The following GNAI1 variants were observed in gnomAD, a reference collection of about 807,000 sequenced individuals.
GNAI1 encodes the protein guanine nucleotide-binding protein G(i) subunit alpha-1.
GNAI1 carries 11 observed loss-of-function variants against 38.9 expected under a neutral mutation model. The observed-to-expected ratio is 0.28, with a 90% CI of 0.18 to 0.47. The LOEUF (loss-of-function observed/expected upper bound fraction) is 0.47. Among genes scored for constraint, GNAI1 ranks in the 20% least tolerant of loss-of-function variants. The pLI, the probability that GNAI1 is intolerant of heterozygous loss-of-function variation, is 0.99. For missense variants in GNAI1, 317 were observed against 436.9 expected (o/e 0.73, Z 2.45); for synonymous variants, 166 against 145.1 (o/e 1.14, Z -1.04).
At chr7:80,194,664 T>C (rs1388655118) in intron 3 of GNAI1, among the ~76,000 whole-genome samples, 1 of 152,146 alleles carries the variant, frequency 6.6e-6, no homozygotes, top group African/African-American at 2.4e-5. Flanking sequence ...ATTATTTTAT[T>C]TCTCTTCAGG....
At chr7:80,207,754 A>G (rs1479894083) in intron 5 of GNAI1, among the ~76,000 whole-genome samples, 1 of 152,088 alleles carries the variant, frequency 6.6e-6, no homozygotes, top group Non-Finnish European at 1.5e-5. Context: ...ACTGCTGAGT[A>G]AAATTCAGTT....
At chr7:80,140,054 G>A (rs1294952040) in intron 1 of GNAI1, among the ~76,000 whole-genome samples, 5 of 146,952 alleles carry the variant, frequency 3.4e-5, no homozygotes, top group Admixed American at 7.0e-5. Context: ...CGCAGTCTCC[G>A]CTCACTGCAA....
chr7:80,216,980 T>C (rs1270050287), intron 7 of GNAI1, among the ~76,000 whole-genome samples: 1 of 151,882 alleles, frequency 6.6e-6, no homozygotes, highest in East Asian at 1.9e-4. Context: ...TGAGCTGGGG[T>C]GTAGAGGACA....
intron 1 of GNAI1, among the ~76,000 whole-genome samples, chr7:80,170,509 G>T (rs914651471): frequency 6.6e-6 from 1 of 152,166 alleles, no homozygotes; most frequent in Non-Finnish European, 1.5e-5. Flanking sequence ...CCTGAGACTG[G>T]GTAGTTTATA....
rs6973616 is a variant in GNAI1, at chr7:80,221,019, C to T, written c.*3526C>T. Among the ~76,000 whole-genome samples the T allele has an allele frequency of 0.39, 58,749 of 151,968 alleles. 12,256 individuals are homozygous for T. The highest frequency in any genetic ancestry group is 0.54 in the African/African-American group (22,401 of 41,418). ...CAGTTACCATTTTTTACATCATTTG[C>T]CGTTTGCAGAACCACCTTATGTAAA... On this transcript the variant is annotated 3_prime_UTR_variant, in exon 8 of 8. Transcript: ENST00000649796.
intron 1 of GNAI1, among the ~76,000 whole-genome samples, chr7:80,136,589 TTCTC>T: frequency 6.6e-6 from 1 of 152,246 alleles, no homozygotes; most frequent in East Asian, 1.9e-4. Context: ...ACATAAATCT[TTCTC>T]AGTTAATGTT....
At chr7:80,203,466 A>G (rs1788723417) in intron 4 of GNAI1, among the ~76,000 whole-genome samples, 1 of 152,146 alleles carries the variant, frequency 6.6e-6, no homozygotes. Flanking sequence ...AATAAAGTAC[A>G]CATTTAAAAA....
At chr7:80,137,424 G>T (rs936830853) in intron 1 of GNAI1, among the ~76,000 whole-genome samples, 1 of 141,972 alleles carries the variant, frequency 7.0e-6, no homozygotes, top group African/African-American at 2.6e-5. Context: ...GGGTTCAAGC[G>T]ATTCTCCAGC....
intron 1 of GNAI1, among the ~76,000 whole-genome samples, chr7:80,185,624 G>T (rs538816595): frequency 8.5e-5 from 13 of 152,164 alleles, no homozygotes; most frequent in African/African-American, 2.7e-4. Flanking sequence ...TCTGTTCGGT[G>T]GCCCTACTAC....
intron 1 of GNAI1, among the ~76,000 whole-genome samples, chr7:80,182,593 G>C (rs560320318): frequency 1.3e-5 from 2 of 152,178 alleles, no homozygotes; most frequent in Admixed American, 1.3e-4. Flanking sequence ...AAAGATTTTA[G>C]ATAATTACCT....
At chr7:80,197,433 T>C (rs1314718921) in intron 3 of GNAI1, among the ~76,000 whole-genome samples, 1 of 152,014 alleles carries the variant, frequency 6.6e-6, no homozygotes, top group Non-Finnish European at 1.5e-5. Flanking sequence ...AGTCTTTTTT[T>C]GTCAAAAAAC....
intron 1 of GNAI1, among the ~76,000 whole-genome samples, chr7:80,171,604 A>G (rs1562831128): frequency 1.3e-5 from 2 of 152,212 alleles, no homozygotes; most frequent in Admixed American, 6.5e-5. Flanking sequence ...AGTATTATAG[A>G]AAACTAGGGT....
intron 4 of GNAI1, among the ~76,000 whole-genome samples, chr7:80,202,239 C>G (rs1226554295): frequency 1.3e-5 from 2 of 151,894 alleles, no homozygotes; most frequent in African/African-American, 4.8e-5. Flanking sequence ...ACAGGCACGC[C>G]TCACCACGTC....
chr7:80,160,183 AAGTT>A (rs1411754135), intron 1 of GNAI1, among the ~76,000 whole-genome samples: 2 of 146,012 alleles, frequency 1.4e-5, no homozygotes, highest in African/African-American at 5.2e-5. Context: ...CCTCTCCTCT[AAGTT>A]AGGTTATTTT....
In GNAI1 at chr7:80,222,980, T is replaced by C. The variant is rs983137238; in HGVS notation, c.*5487T>C. Among the ~76,000 whole-genome samples the C allele has an allele frequency of 1.3e-5, 2 of 152,210 alleles. No homozygotes were observed. Among genetic ancestry groups the C allele is most frequent in the Admixed American group, 6.5e-5 (1 of 15,286 alleles). On this transcript the variant is annotated 3_prime_UTR_variant, in exon 8 of 8. Transcript: ENST00000649796. ...TAGATTAGCATACAGTTGGACAAGA[T>C]AGCATAAAGCCTATTTTACAATAAA...
At chr7:80,137,302 T>TTTC (rs200988550) in intron 1 of GNAI1, among the ~76,000 whole-genome samples, 10,165 of 60,310 alleles carry the variant, frequency 0.17, 422 homozygotes, top group Non-Finnish European at 0.24. Flanking sequence ...TCTTTTTTTT[T>TTTC]TTTTCTTTTC....
chr7:80,150,901 A>G (rs567899670), intron 1 of GNAI1, among the ~76,000 whole-genome samples: 6 of 152,052 alleles, frequency 3.9e-5, no homozygotes, highest in Non-Finnish European at 8.8e-5. Context: ...ATGTCCTCCT[A>G]CCTGGTCTTC....
At chr7:80,198,467 T>C (rs1040645541) in intron 3 of GNAI1, among the ~76,000 whole-genome samples, 29 of 152,254 alleles carry the variant, frequency 1.9e-4, no homozygotes, top group African/African-American at 6.7e-4. Context: ...AATAACCAAA[T>C]ATGAGTAGCC....
Position 80,203,811 on chromosome 7 carries a change from C to T in GNAI1, c.569C>T (p.Thr190Ile). The T allele has an allele frequency of 6.4e-7, 1 of 1,560,170 alleles. No individual in the cohort carries two copies. The highest frequency in any genetic ancestry group is 8.8e-7 in the Non-Finnish European group (1 of 1,137,146). The change falls in exon 5 of 8, where the codon ACT becomes ATT. Residue 190 changes from threonine (T) to isoleucine (I), a missense_variant. Transcript: ENST00000649796. ...ACAGGAATTGTTGAAACCCATTTTA[C>T]TTTCAAAGATCTTCATTTTAAGTGA... ...KTTGIVETHFTFKDLHFKMFD... is the reference protein window; with the variant it reads ...KTTGIVETHFIFKDLHFKMFD...
Sources: gnomAD v4.1 joint callset for allele counts (sites outside exome capture counted in the v4.1 genomes callset) on GRCh38, gnomAD v4.1.1 for gene constraint, MANE v1.5 for transcripts, NCBI Gene and HGNC (gene_info 2026-07-23, HGNC 2026-07-21) for gene names.